Variants in ZNF804B observed in about 807,000 individuals in gnomAD.
ZNF804B encodes the protein zinc finger protein 804B, also known as zinc finger 804B.
ZNF804B carries 80 observed loss-of-function variants against 101.4 expected under a neutral mutation model. The observed-to-expected ratio is 0.79, with a 90% confidence interval of 0.66 to 0.95. The LOEUF (loss-of-function observed/expected upper bound fraction) is 0.95. Ranked by LOEUF, ZNF804B falls within the 40% of genes least tolerant of loss-of-function variation. The pLI is 0.00. For synonymous variants in ZNF804B, 622 were observed against 558.8 expected, an observed-to-expected ratio of 1.11 and a Z score of -1.59; for missense variants, 1,673 against 1,561.9, an observed-to-expected ratio of 1.07 and a Z score of -1.20.
At chr7:88,873,356 A>G (rs1170278522) in intron 1 of ZNF804B, among the ~76,000 whole-genome samples, 1 of 152,122 alleles carries the variant, frequency 6.6e-6, no homozygotes, top group East Asian at 1.9e-4. Flanking sequence ...TTCATTGTAG[A>G]TTCTTGATAT....
chr7:89,121,616 A>G (rs544027664), intron 1 of ZNF804B, among the ~76,000 whole-genome samples: 1 of 152,222 alleles, frequency 6.6e-6, no homozygotes, highest in East Asian at 1.9e-4. Context: ...TAGTTATCAT[A>G]GTAATGGATT....
At chr7:89,067,584 G>A (rs1789472550) in intron 1 of ZNF804B, among the ~76,000 whole-genome samples, 1 of 152,078 alleles carries the variant, frequency 6.6e-6, no homozygotes, top group East Asian at 1.9e-4. Context: ...GGCCAAAGTT[G>A]TCTCTTCCTG....
At chr7:89,011,541 A>G (rs1483721842) in intron 1 of ZNF804B, among the ~76,000 whole-genome samples, 1 of 152,162 alleles carries the variant, frequency 6.6e-6, no homozygotes, top group Non-Finnish European at 1.5e-5. Context: ...TACAATAGAG[A>G]TACAGGCATT....
At chr7:88,815,115 A>T (rs569371654) in intron 1 of ZNF804B, among the ~76,000 whole-genome samples, 58 of 148,540 alleles carry the variant, frequency 3.9e-4, no homozygotes, top group Non-Finnish European at 7.3e-4. Flanking sequence ...ATTCTCACAT[A>T]TATGTATGTA....
intron 1 of ZNF804B, among the ~76,000 whole-genome samples, chr7:88,826,308 T>C (rs1028707535): frequency 2.0e-5 from 3 of 152,186 alleles, no homozygotes; most frequent in African/African-American, 7.2e-5. Context: ...TAACAAATTT[T>C]AGTTTTGAAA....
chr7:89,159,406 CT>C (rs60867995), intron 1 of ZNF804B, among the ~76,000 whole-genome samples: 30,691 of 151,944 alleles, frequency 0.2, 3,335 homozygotes, highest in Non-Finnish European at 0.23. Flanking sequence ...CTTGGCTTTA[CT>C]TTTTTTAGTA....
At chr7:89,089,418 A>T (rs1236241184) in intron 1 of ZNF804B, among the ~76,000 whole-genome samples, 1 of 152,018 alleles carries the variant, frequency 6.6e-6, no homozygotes, top group Non-Finnish European at 1.5e-5. Context: ...TAAGTATATA[A>T]TGTTTATATG....
chr7:89,217,412 A>G (rs1788913829), intron 1 of ZNF804B, among the ~76,000 whole-genome samples: 2 of 152,190 alleles, frequency 1.3e-5, no homozygotes, highest in African/African-American at 4.8e-5. Context: ...TCTATAATGC[A>G]GACTAAAATA....
intron 1 of ZNF804B, among the ~76,000 whole-genome samples, chr7:88,947,012 G>A (rs969790368): frequency 4.6e-5 from 7 of 151,924 alleles, no homozygotes; most frequent in African/African-American, 1.7e-4. Flanking sequence ...AAGTCAGGAA[G>A]CAACAGATGC....
At chr7:88,798,886 A>G (rs533403971) in intron 1 of ZNF804B, among the ~76,000 whole-genome samples, 28 of 152,188 alleles carry the variant, frequency 1.8e-4, no homozygotes, top group African/African-American at 6.5e-4. Flanking sequence ...GAACTCTTCT[A>G]TCTGTCTGTC....
intron 1 of ZNF804B, among the ~76,000 whole-genome samples, chr7:88,932,677 G>A (rs1335329890): frequency 6.6e-6 from 1 of 151,444 alleles, no homozygotes; most frequent in Non-Finnish European, 1.5e-5. Context: ...AAAATATACA[G>A]GCTCCTAGAT....
chr7:89,034,866 A>T (rs10952945), intron 1 of ZNF804B, among the ~76,000 whole-genome samples: 1 of 151,924 alleles, frequency 6.6e-6, no homozygotes, highest in African/African-American at 2.4e-5. Flanking sequence ...CACTCCCACC[A>T]AAAGTGTAAA....
rs1302095698 is a variant in ZNF804B, at chr7:89,331,288, C to A, written c.381-2075C>A. Among the ~76,000 whole-genome samples the A allele has an allele frequency of 2.6e-5, 4 of 151,820 alleles. No individual in the cohort carries two copies. The East Asian group carries it at 7.7e-4, about 29-fold the overall frequency. ...CTGTTTCTGGATCACTTCCTTCTAT[C>A]TGCAGGCTGGAGGCACTTTCAAAGG... On this transcript the variant is annotated intron_variant, in intron 3 of 3. Transcript: ENST00000333190.
intron 1 of ZNF804B, among the ~76,000 whole-genome samples, chr7:88,802,398 T>G (rs926399120): frequency 6.6e-6 from 1 of 152,106 alleles, no homozygotes; most frequent in Non-Finnish European, 1.5e-5. Flanking sequence ...ATTTTTGTTT[T>G]TGTTAAAATA....
intron 1 of ZNF804B, among the ~76,000 whole-genome samples, chr7:88,807,304 G>T (rs1583948657): frequency 6.6e-6 from 1 of 151,910 alleles, no homozygotes. Context: ...AGATATAAAG[G>T]TGAACAATAA....
chr7:88,881,956 T>A (rs1017025247), intron 1 of ZNF804B, among the ~76,000 whole-genome samples: 5 of 152,176 alleles, frequency 3.3e-5, no homozygotes, highest in Admixed American at 2.0e-4. Context: ...AACATTTGTT[T>A]GAGAAGAGCT....
At chr7:89,318,510 C>T (rs1404423320) in intron 2 of ZNF804B, among the ~76,000 whole-genome samples, 2 of 152,178 alleles carry the variant, frequency 1.3e-5, no homozygotes, top group African/African-American at 4.8e-5. Context: ...CACCTATAAT[C>T]CCAGCACTTT....
chr7:89,145,126 C>T (rs6465184), intron 1 of ZNF804B, among the ~76,000 whole-genome samples: 11 of 151,434 alleles, frequency 7.3e-5, no homozygotes, highest in African/African-American at 1.9e-4. Flanking sequence ...TAATTTAATT[C>T]AAAAAAACGA....
intron 1 of ZNF804B, among the ~76,000 whole-genome samples, chr7:88,875,911 A>G (rs1281568048): frequency 1.3e-5 from 2 of 152,208 alleles, no homozygotes; most frequent in Admixed American, 1.3e-4. Context: ...AAAATCCTAA[A>G]TAAAATACTG....
Sources: allele counts gnomAD v4.1 joint callset (sites outside exome capture counted in the v4.1 genomes callset), GRCh38; gene constraint gnomAD v4.1.1; transcripts MANE v1.5; gene names NCBI Gene and HGNC (gene_info 2026-07-23, HGNC 2026-07-21).